The following APLF variants were observed in gnomAD, a reference collection of about 807,000 sequenced individuals.
APLF encodes aprataxin and PNK-like factor.
Under a neutral mutation model 55.6 loss-of-function variants are expected in APLF, and 61 were observed. That is an observed-to-expected ratio of 1.10 (90% CI 0.89 to 1.36). APLF has a LOEUF of 1.36. APLF is among the 40% of genes most tolerant of loss of function. The pLI, the probability that APLF is intolerant of heterozygous loss-of-function variation, is 0.00. For missense variants in APLF, 611 were observed against 602.5 expected (o/e 1.01, Z -0.15); for synonymous variants, 207 against 214.8 (o/e 0.96, Z 0.32).
At position 68,579,328 on chromosome 2, in the gene APLF, CT is replaced by C. The variant is rs1671706656; in HGVS notation, c.*1308del. On this transcript the variant is annotated 3_prime_UTR_variant, in exon 10 of 10. Coordinates refer to ENST00000303795, the MANE Select transcript of APLF (RefSeq NM_173545.3). Reference sequence around the variant, plus strand: ...TTGTTATTTGGGAACTATTTTTCCCCTTATAATGTCCCTTTAGCCTTGGTAG... The same window carrying C: ...TTGTTATTTGGGAACTATTTTTCCCCTATAATGTCCCTTTAGCCTTGGTAG... 1 of 939,460 alleles carries C rather than the reference CT, an allele frequency of 1.1e-6. No individual in the cohort carries two copies. Among genetic ancestry groups the C allele is most frequent in the South Asian group, 4.9e-5 (1 of 20,300 alleles). The allele number at this position is 939,460 out of a possible 1,614,324, so 58.2% of individuals were successfully genotyped here.
chr2:68,550,512 G>T (rs1034055838), intron 8 of APLF, among the ~76,000 whole-genome samples: 3 of 152,118 alleles, frequency 2.0e-5, no homozygotes, highest in Non-Finnish European at 4.4e-5. Context: ...GATTACATGC[G>T]TGAGCCACCA....
intron 8 of APLF, among the ~76,000 whole-genome samples, chr2:68,556,936 A>G (rs374147288): frequency 5.9e-5 from 9 of 152,294 alleles, no homozygotes; most frequent in African/African-American, 1.9e-4. Context: ...CATTTTCTCA[A>G]GACATATATG....
At chr2:68,560,917 C>T (rs899841865) in intron 8 of APLF, among the ~76,000 whole-genome samples, 8 of 151,986 alleles carry the variant, frequency 5.3e-5, no homozygotes, top group African/African-American at 1.9e-4. Context: ...GAGTTACATG[C>T]AAAAGGTATT....
At chr2:68,534,592 A>G (rs1189792443) in intron 6 of APLF, among the ~76,000 whole-genome samples, 1 of 152,162 alleles carries the variant, frequency 6.6e-6, no homozygotes, top group East Asian at 1.9e-4. Flanking sequence ...CCAAACACCC[A>G]GGTCACCCTC....
Position 68,529,584 on chromosome 2 carries a change from G to A in APLF, c.804+3342G>A. On this transcript the variant is annotated intron_variant, in intron 6 of 9. Transcript: ENST00000303795. This position sits in a 1 kb window ranked among gnomAD's most constrained non-coding sequence, Gnocchi z 4.4. ...ATCTGGGAGTTTATGACATCACCAT[G>A]GGGCTGGTGACAGAGCCAGGGTGTG... 5.7e-6 allele frequency: 3 copies of A among 527,438 alleles called. No homozygotes were observed. The highest frequency in any genetic ancestry group is 7.4e-6 in the Non-Finnish European group (3 of 405,880). The allele number at this position is 527,438 out of a possible 1,614,324, so 32.7% of individuals were successfully genotyped here. A position where few individuals can be genotyped will look rare whatever the true frequency, so the allele number is the denominator to read the frequency against.
intron 2 of APLF, among the ~76,000 whole-genome samples, chr2:68,502,445 G>C (rs778958799): frequency 6.6e-6 from 1 of 151,984 alleles, no homozygotes; most frequent in Non-Finnish European, 1.5e-5. Context: ...AAGCAAAATA[G>C]AAGACTCTTT....
chr2:68,501,510 A>G (rs546101486), intron 2 of APLF, among the ~76,000 whole-genome samples: 1 of 151,988 alleles, frequency 6.6e-6, no homozygotes, highest in South Asian at 2.1e-4. Context: ...ACCCAGTGAT[A>G]TTATGACAAA....
Position 68,578,238 on chromosome 2 carries a change from G to A in APLF, c.*216G>A, listed in dbSNP as rs1671671942. 3.1e-6 allele frequency: 4 copies of A among 1,291,974 alleles called. No individual in the cohort carries two copies. The highest frequency in any genetic ancestry group is 3.3e-5 in the East Asian group (1 of 30,296). 80.0% of individuals were successfully genotyped at this position (1,291,974 alleles called of 1,614,324 possible). ...CCTTGCCTTTTCTTTCCTACTTAAA[G>A]CATCTGGAAATAGGAAGACAGAGAA... is the stretch of plus-strand genomic sequence containing the variant. On this transcript the variant is annotated 3_prime_UTR_variant, in exon 10 of 10. Coordinates refer to ENST00000303795, the MANE Select transcript of APLF (RefSeq NM_173545.3).
chr2:68,545,213 T>C lies in APLF; in HGVS notation c.1187T>C (p.Phe396Ser). The C allele has an allele frequency of 6.2e-7, 1 of 1,613,768 alleles. No individual in the cohort carries two copies. Among genetic ancestry groups the C allele is most frequent in the South Asian group, 1.1e-5 (1 of 91,054 alleles). ...YRKNPVHFQH[F>S]SHPGDSDYGG... ...AAGAATCCTGTTCATTTTCAACATT[T>C]TAGCCATCCTGGTGATAGTGATTAT... The change falls in exon 8 of 10, where the codon TTT (phenylalanine) becomes TCT (serine). Residue 396 changes from phenylalanine (F) to serine (S), a missense_variant. Coordinates refer to ENST00000303795, the MANE Select transcript of APLF (RefSeq NM_173545.3).
intron 6 of APLF, chr2:68,531,339 C>T (rs556360333): frequency 1.3e-5 from 2 of 151,682 alleles, no homozygotes; most frequent in South Asian, 2.1e-4. Flanking sequence ...CTGTGGATCC[C>T]TGTCTTAGTC....
Position 68,578,413 on chromosome 2 carries a change from A to G in APLF, c.*391A>G. The G allele has an allele frequency of 1.0e-6, 1 of 991,828 alleles. No individual in the cohort carries two copies. The highest frequency in any genetic ancestry group is 1.2e-6 in the Non-Finnish European group (1 of 834,064). 61.4% of individuals were successfully genotyped at this position (991,828 alleles called of 1,614,324 possible). A position where few individuals can be genotyped will look rare whatever the true frequency, so the allele number is the denominator to read the frequency against. Reference sequence around the variant, plus strand: ...GTATAACCAGGCAAAGTACATGAAAACATGCCTCTTTTCATTGTTACTGAA... The same window carrying G: ...GTATAACCAGGCAAAGTACATGAAAGCATGCCTCTTTTCATTGTTACTGAA... On this transcript the variant is annotated 3_prime_UTR_variant, in exon 10 of 10. Transcript: ENST00000303795.
At position 68,545,302 on chromosome 2, in the gene APLF, T is replaced by G. The variant is rs75548849; in HGVS notation, c.1276T>G (p.Ser426Ala). ...DDRPECPYGPSCYRKNPQHKI... is the reference protein window; with the variant it reads ...DDRPECPYGPACYRKNPQHKI... ...CCGGCCTGAATGTCCCTATGGACCATCCTGTTATAGGTATAGAAACTGAAT... is the reference window on the plus strand; with the variant it reads ...CCGGCCTGAATGTCCCTATGGACCAGCCTGTTATAGGTATAGAAACTGAAT... Residue 426 changes from serine (S) to alanine (A), a missense_variant, in exon 8 of 10, where the codon TCC (serine) becomes GCC (alanine). Coordinates refer to ENST00000303795, the MANE Select transcript of APLF (RefSeq NM_173545.3). 1 of 1,613,312 alleles carries G rather than the reference T, an allele frequency of 6.2e-7. No individual in the cohort carries two copies. Among genetic ancestry groups the G allele is most frequent in the Middle Eastern group, 1.7e-4 (1 of 6,056 alleles).
chr2:68,513,453 T>C (rs1276372084), intron 4 of APLF, 95 bp from the exon 5 acceptor site: 1 of 1,382,848 alleles, frequency 7.2e-7, no homozygotes, highest in Non-Finnish European at 1.0e-6. Flanking sequence ...CAGTTGCATA[T>C]GGGTATTTTA....
intron 9 of APLF, among the ~76,000 whole-genome samples, chr2:68,570,992 C>G (rs1022453371): frequency 6.6e-6 from 1 of 152,184 alleles, no homozygotes; most frequent in Non-Finnish European, 1.5e-5. Flanking sequence ...GCCATTCTAA[C>G]TGGTGTGAGA....
chr2:68,528,826 G>C (rs373978310), intron 6 of APLF: 1 of 1,498,146 alleles, frequency 6.7e-7, no homozygotes, highest in Non-Finnish European at 9.0e-7. Flanking sequence ...TCAAGCTCTT[G>C]AGGTGGACAT....
intron 7 of APLF, among the ~76,000 whole-genome samples, chr2:68,538,904 A>G (rs2104006648): frequency 6.6e-6 from 1 of 152,312 alleles, no homozygotes; most frequent in East Asian, 1.9e-4. Flanking sequence ...AATCCTTTCC[A>G]GTAGTTTGTC....
chr2:68,493,905 G>A (rs1353998061), intron 2 of APLF, among the ~76,000 whole-genome samples: 1 of 152,034 alleles, frequency 6.6e-6, no homozygotes, highest in African/African-American at 2.4e-5. Context: ...TCAGGAGATG[G>A]AGACCATCCT....
Position 68,529,428 on chromosome 2 carries a change from G to A in APLF, c.804+3186G>A, listed in dbSNP as rs183331801. 81 of 1,208,100 alleles carry A rather than the reference G, an allele frequency of 6.7e-5. 1 individual carries two copies. In the Admixed American group the frequency reaches 8.3e-4, roughly 12 times the overall value. The allele number at this position is 1,208,100 out of a possible 1,614,324, so 74.8% of individuals were successfully genotyped here. On this transcript the variant is annotated intron_variant, in intron 6 of 9. Coordinates refer to ENST00000303795, the MANE Select transcript of APLF (RefSeq NM_173545.3). The surrounding 1 kb of genome is among the most constrained non-coding windows in gnomAD (Gnocchi z 4.4). ...CGATGGCATGGCCAGGACCTGCGGC[G>A]GAACCAGGAACAAAATACGCTTAGT...
chr2:68,520,430 G>T (rs1040180051), intron 5 of APLF, among the ~76,000 whole-genome samples: 2 of 151,944 alleles, frequency 1.3e-5, no homozygotes, highest in African/African-American at 2.4e-5. Flanking sequence ...TTATCTTCTA[G>T]AATTTTTATG....
Sources: allele counts gnomAD v4.1 joint callset (sites outside exome capture counted in the v4.1 genomes callset), GRCh38; gene constraint gnomAD v4.1.1; non-coding constraint Gnocchi (gnomAD v3.1); transcripts MANE v1.5; gene names NCBI Gene and HGNC (gene_info 2026-07-23, HGNC 2026-07-21).